FARP1: variants seen among roughly 807,000 people sequenced by gnomAD.
FARP1 encodes the protein FERM, ARHGEF and pleckstrin domain-containing protein 1.
A neutral mutation model predicts 128.8 loss-of-function variants in FARP1; 52 were observed. The observed-to-expected ratio is 0.40, with a 90% CI of 0.32 to 0.51. The LOEUF (loss-of-function observed/expected upper bound fraction) is 0.51. FARP1 is among the 20% of genes least tolerant of loss of function. The pLI is 0.45. For missense variants in FARP1, 1,333 were observed against 1,367.9 expected (o/e 0.97, Z 0.40); for synonymous variants, 580 against 551.8 (o/e 1.05, Z -0.72).
At chr13:98,387,771 A>G (rs1003223620) in intron 8 of FARP1, among the ~76,000 whole-genome samples, 1 of 152,196 alleles carries the variant, frequency 6.6e-6, no homozygotes, top group Non-Finnish European at 1.5e-5. Flanking sequence ...CCTCAGTTCT[A>G]CCGGTGCTGT....
chr13:98,173,411 T>G (rs1877785118), intron 1 of FARP1, among the ~76,000 whole-genome samples: 1 of 152,210 alleles, frequency 6.6e-6, no homozygotes. Flanking sequence ...GTTTTGATTT[T>G]CATGTGCTCT....
chr13:98,311,232 A>G (rs1886445489), intron 2 of FARP1, among the ~76,000 whole-genome samples: 1 of 152,190 alleles, frequency 6.6e-6, no homozygotes, highest in African/African-American at 2.4e-5. Flanking sequence ...AGTTATCCTC[A>G]TTTTGCACAT....
At chr13:98,184,034 C>T (rs934192423) in intron 1 of FARP1, among the ~76,000 whole-genome samples, 5 of 152,182 alleles carry the variant, frequency 3.3e-5, no homozygotes, top group Non-Finnish European at 7.3e-5. Context: ...CCTTCAGTTC[C>T]ACCTTCCCAG....
chr13:98,438,716 A>G, intron 19 of FARP1, 88 bp from the exon 20 acceptor site: 1 of 1,077,530 alleles, frequency 9.3e-7, no homozygotes, highest in Non-Finnish European at 1.4e-6. Context: ...CAGGGGCTAC[A>G]AATTTAGCCC....
At chr13:98,415,507 G>T (rs1184914113) in intron 16 of FARP1, among the ~76,000 whole-genome samples, 1 of 152,214 alleles carries the variant, frequency 6.6e-6, no homozygotes, top group Non-Finnish European at 1.5e-5. Context: ...GCCCATGGGG[G>T]ACTTGCACTC....
intron 5 of FARP1, among the ~76,000 whole-genome samples, chr13:98,369,635 G>A (rs1180986045): frequency 6.6e-6 from 1 of 151,960 alleles, no homozygotes; most frequent in Non-Finnish European, 1.5e-5. Flanking sequence ...TTGTCCTTGC[G>A]ATAGTTTACT....
At chr13:98,446,610 GC>G (rs1380066945) in intron 25 of FARP1, 55 bp from the exon 26 acceptor site, 9 of 1,584,188 alleles carry the variant, frequency 5.7e-6, no homozygotes, top group Non-Finnish European at 7.8e-6. Context: ...CAGCAGCCAG[GC>G]CCAGCAGCAG....
At position 98,408,383 on chromosome 13, in the gene FARP1, A is replaced by G. The variant is rs543029443; in HGVS notation, c.1415-955A>G. ...CACTTTGTCGCCCAGGCTGGAGTGC[A>G]GTGGGGCGATCTCAGTTCACCGCAA... On this transcript the variant is annotated intron_variant, in intron 13 of 26. Coordinates refer to ENST00000319562, the MANE Select transcript of FARP1 (RefSeq NM_005766.4). Among the ~76,000 whole-genome samples the G allele has an allele frequency of 7.1e-4, 92 of 129,510 alleles. No homozygotes were observed. In the East Asian group the frequency reaches 0.01, roughly 14 times the overall value. The allele number at this position is 129,510 out of a possible 152,430, so 85.0% of individuals were successfully genotyped here. A position where few individuals can be genotyped will look rare whatever the true frequency, so the allele number is the denominator to read the frequency against.
At chr13:98,209,078 G>T (rs539419377) in intron 1 of FARP1, among the ~76,000 whole-genome samples, 1 of 152,072 alleles carries the variant, frequency 6.6e-6, no homozygotes, top group Admixed American at 6.5e-5. Flanking sequence ...GCACGATCTC[G>T]GCTCACTGTA....
chr13:98,333,627 C>T (rs930072874), intron 2 of FARP1: 4 of 152,326 alleles, frequency 2.6e-5, no homozygotes, highest in Non-Finnish European at 4.4e-5. Flanking sequence ...GAAACCTAAT[C>T]TGAAGTGTGT....
chr13:98,442,911 C>G (rs747153466), intron 24 of FARP1, among the ~76,000 whole-genome samples: 10 of 152,244 alleles, frequency 6.6e-5, no homozygotes, highest in Non-Finnish European at 1.2e-4. Flanking sequence ...GGCCTCAAAG[C>G]TTTTTACATA....
chr13:98,175,569 C>T (rs1162869182), intron 1 of FARP1, among the ~76,000 whole-genome samples: 1 of 151,694 alleles, frequency 6.6e-6, no homozygotes, highest in Non-Finnish European at 1.5e-5. Flanking sequence ...GTACCCTTAA[C>T]CATTTTTAAG....
intron 18 of FARP1, 83 bp downstream of exon 18, chr13:98,431,363 G>C: frequency 4.3e-6 from 4 of 922,226 alleles, no homozygotes; most frequent in South Asian, 3.4e-5. Flanking sequence ...GCCAGGGAGG[G>C]GCTCCCCGGG....
Position 98,191,490 on chromosome 13 carries a change from A to C in FARP1, c.-23-21730A>C, listed in dbSNP as rs531439251. On this transcript the variant is annotated intron_variant, in intron 1 of 26. Coordinates refer to ENST00000319562, the MANE Select transcript of FARP1 (RefSeq NM_005766.4). ...GGTATGAAGTATTCATCAATATGAG[A>C]GTAAATATTTGGAATATAAACCTGT... 8.5e-5 allele frequency among the ~76,000 whole-genome samples: 13 copies of C among 152,350 alleles called. No individual in the cohort carries two copies. In the South Asian group the frequency reaches 2.7e-3, roughly 32 times the overall value.
chr13:98,207,445 TTAGG>T (rs1880337871), intron 1 of FARP1, among the ~76,000 whole-genome samples: 1 of 152,176 alleles, frequency 6.6e-6, no homozygotes, highest in South Asian at 2.1e-4. Flanking sequence ...TGCTTTTTGC[TTAGG>T]TAGGACAAGG....
chr13:98,348,341 C>T (rs972251794), intron 3 of FARP1, among the ~76,000 whole-genome samples: 1 of 152,210 alleles, frequency 6.6e-6, no homozygotes, highest in Admixed American at 6.5e-5. Flanking sequence ...CTTTCCATGG[C>T]AGAAACACTA....
chr13:98,220,420 C>T (rs2139358145), intron 2 of FARP1, among the ~76,000 whole-genome samples: 1 of 152,322 alleles, frequency 6.6e-6, no homozygotes, highest in Non-Finnish European at 1.5e-5. Flanking sequence ...CTAGAGCAAG[C>T]AGAGGGAACT....
At chr13:98,396,167 C>G in intron 13 of FARP1, 1 of 399,256 alleles carries the variant, frequency 2.5e-6, no homozygotes, top group Non-Finnish European at 4.4e-6. Flanking sequence ...GCCAGCGCAG[C>G]TGCTCCCGAG....
At chr13:98,407,792 C>T (rs1350332752) in intron 13 of FARP1, among the ~76,000 whole-genome samples, 1 of 152,172 alleles carries the variant, frequency 6.6e-6, no homozygotes, top group East Asian at 1.9e-4. Context: ...ACTGCTCAAC[C>T]TGGCACCAAG....
Sources: allele counts gnomAD v4.1 joint callset (sites outside exome capture counted in the v4.1 genomes callset), GRCh38; gene constraint gnomAD v4.1.1; transcripts MANE v1.5; gene names NCBI Gene and HGNC (gene_info 2026-07-23, HGNC 2026-07-21).